TECRL: variants seen among roughly 807,000 people sequenced by gnomAD.
TECRL encodes trans-2,3-enoyl-CoA reductase-like.
Under a neutral mutation model 52.8 loss-of-function variants are expected in TECRL, and 63 were observed. The ratio of observed to expected loss-of-function variants is 1.19; its 90% confidence interval spans 0.97 to 1.47. TECRL has a LOEUF of 1.47. TECRL is among the 40% of genes most tolerant of loss of function. The probability of loss-of-function intolerance (pLI) is 0.00; values close to 1 mark genes in which losing one functional copy is unlikely to be tolerated. For missense variants in TECRL, 482 were observed against 429.6 expected, an observed-to-expected ratio of 1.12 and a Z score of -1.08; for synonymous variants, 164 against 141.9, an observed-to-expected ratio of 1.16 and a Z score of -1.10.
intron 2 of TECRL, among the ~76,000 whole-genome samples, chr4:64,364,421 G>A (rs796582619): frequency 3.2e-4 from 49 of 151,906 alleles, no homozygotes; most frequent in African/African-American, 1.1e-3. Flanking sequence ...CAGCTGAACC[G>A]AATGAAATTG....
intron 2 of TECRL, among the ~76,000 whole-genome samples, chr4:64,364,860 A>ATT (rs35653881): frequency 2.3e-4 from 33 of 142,564 alleles, no homozygotes; most frequent in East Asian, 8.6e-4. Flanking sequence ...TACTAAAACT[A>ATT]TTTTTTTTTC....
Position 64,409,384 on chromosome 4 carries a change from A to G in TECRL, c.-33T>C, listed in dbSNP as rs143229946. ...ACTAAGAGGAGGGTCTGTCATGTCA[A>G]AAGTAGAAAATTGCAAGTGTGTTCC... On this transcript the variant is annotated 5_prime_UTR_variant, in exon 1 of 12. Coordinates refer to ENST00000381210, the MANE Select transcript of TECRL (RefSeq NM_001010874.5). 16 of 1,600,064 alleles carry G rather than the reference A, an allele frequency of 1.0e-5. No homozygotes were observed. The East Asian group carries it at 3.4e-4, about 34-fold the overall frequency.
intron 4 of TECRL, among the ~76,000 whole-genome samples, chr4:64,315,757 A>T (rs1040097137): frequency 6.6e-6 from 1 of 152,138 alleles, no homozygotes; most frequent in Non-Finnish European, 1.5e-5. Flanking sequence ...ATTCATATGC[A>T]TATATGTGTG....
At chr4:64,367,332 C>T (rs911459080) in intron 2 of TECRL, among the ~76,000 whole-genome samples, 1 of 152,040 alleles carries the variant, frequency 6.6e-6, no homozygotes, top group African/African-American at 2.4e-5. Flanking sequence ...CCAACCCCAA[C>T]AACAAGCAAT....
chr4:64,279,994 A>C lies in TECRL; in HGVS notation c.*78T>G, dbSNP rs2109920091. On this transcript the variant is annotated 3_prime_UTR_variant, in exon 12 of 12. Transcript: ENST00000381210. ...GTTGCTCATGAATTGTTGGAGTATA[A>C]TAGTTAACTATCCTTAACTAAGTCT... 6.7e-7 allele frequency: 1 copy of C among 1,486,654 alleles called. No individual in the cohort carries two copies. The allele number at this position is 1,486,654 out of a possible 1,614,324, so 92.1% of individuals were successfully genotyped here.
chr4:64,382,965 G>T (rs1473421548), intron 1 of TECRL, among the ~76,000 whole-genome samples: 4 of 151,992 alleles, frequency 2.6e-5, no homozygotes, highest in Non-Finnish European at 5.9e-5. Flanking sequence ...TTTCTTGTAG[G>T]ATCAGTCTTG....
In TECRL at chr4:64,354,242, A is replaced by C. The variant is rs528622560; in HGVS notation, c.286+20930T>G. Among the ~76,000 whole-genome samples, 18 of 152,314 alleles carry C rather than the reference A, an allele frequency of 1.2e-4. No homozygotes were observed. The South Asian group carries it at 3.5e-3, about 30-fold the overall frequency. On this transcript the variant is annotated intron_variant, in intron 2 of 11. Transcript: ENST00000381210. ...GATAAAAGAACAATTTGAAAGGTAG[A>C]ATTTGAAGTTGTAGAAAAAACAAGA...
At chr4:64,349,126 A>T (rs1432763776) in intron 2 of TECRL, among the ~76,000 whole-genome samples, 2 of 119,374 alleles carry the variant, frequency 1.7e-5, no homozygotes, top group Non-Finnish European at 3.4e-5. Flanking sequence ...AAAATAATTT[A>T]TAAAAAACGT....
rs116315070 is a variant in TECRL, at chr4:64,327,522, C to T, written c.331+990G>A. On this transcript the variant is annotated intron_variant, in intron 3 of 11. Coordinates refer to ENST00000381210, the MANE Select transcript of TECRL (RefSeq NM_001010874.5). ...TGACATGTGCTAGGCCCTATGAAGG[C>T]AAAAGTAGATGAGACAATAATTTGT... Among the ~76,000 whole-genome samples, 962 of 152,066 alleles carry T rather than the reference C, an allele frequency of 6.3e-3. 7 individuals are homozygous for T. Among genetic ancestry groups the T allele is most frequent in the African/African-American group, 0.022 (911 of 41,512 alleles).
intron 1 of TECRL, among the ~76,000 whole-genome samples, chr4:64,388,173 T>C (rs748058817): frequency 1.3e-5 from 2 of 151,522 alleles, no homozygotes; most frequent in Non-Finnish European, 3.0e-5. Flanking sequence ...AGGTCTGATA[T>C]TTATTTTGAG....
intron 4 of TECRL, among the ~76,000 whole-genome samples, chr4:64,318,312 A>G (rs1717653881): frequency 6.6e-6 from 1 of 152,122 alleles, no homozygotes. Flanking sequence ...TAAATGAAAG[A>G]TAAGGTTGAG....
At chr4:64,331,195 T>G (rs529579550) in intron 2 of TECRL, among the ~76,000 whole-genome samples, 1 of 152,252 alleles carries the variant, frequency 6.6e-6, no homozygotes, top group Admixed American at 6.5e-5. Flanking sequence ...TATGTCAATC[T>G]CTGCCTGTTC....
At chr4:64,347,792 T>C (rs1178184461) in intron 2 of TECRL, among the ~76,000 whole-genome samples, 2 of 152,126 alleles carry the variant, frequency 1.3e-5, no homozygotes, top group African/African-American at 4.8e-5. Context: ...GGGATTATAA[T>C]TGAGATGAGG....
At chr4:64,360,470 G>T (rs936557804) in intron 2 of TECRL, among the ~76,000 whole-genome samples, 1 of 152,168 alleles carries the variant, frequency 6.6e-6, no homozygotes, top group African/African-American at 2.4e-5. Context: ...GAGAACATCT[G>T]TTAGCATAAA....
chr4:64,361,601 G>A (rs965969713), intron 2 of TECRL, among the ~76,000 whole-genome samples: 2 of 152,082 alleles, frequency 1.3e-5, no homozygotes, highest in African/African-American at 4.8e-5. Context: ...GGAGTGCTGA[G>A]CTAAACCTAC....
chr4:64,305,082 T>G (rs1724250191), intron 7 of TECRL, 84 bp downstream of exon 7: 1 of 944,978 alleles, frequency 1.1e-6, no homozygotes, highest in Non-Finnish European at 1.6e-6. Flanking sequence ...CATTTTTTAC[T>G]TATTCCTTTA....
At chr4:64,393,158 T>G (rs193045826) in intron 1 of TECRL, among the ~76,000 whole-genome samples, 8 of 152,104 alleles carry the variant, frequency 5.3e-5, no homozygotes, top group African/African-American at 1.4e-4. Context: ...GTGATATAAT[T>G]GATAGTAAAC....
chr4:64,404,751 G>A (rs1724595711), intron 1 of TECRL, among the ~76,000 whole-genome samples: 1 of 152,004 alleles, frequency 6.6e-6, no homozygotes, highest in Non-Finnish European at 1.5e-5. Flanking sequence ...TTGAGCAGTA[G>A]GTAAAAGGGT....
At chr4:64,284,481 GA>G (rs11356977) in intron 9 of TECRL, among the ~76,000 whole-genome samples, 102,519 of 151,804 alleles carry the variant, frequency 0.68, 35,838 homozygotes, top group Non-Finnish European at 0.77. Context: ...GTAGTGAAAG[GA>G]ACACCATCAT....
Sources: gnomAD v4.1 joint callset for allele counts (sites outside exome capture counted in the v4.1 genomes callset) on GRCh38, gnomAD v4.1.1 for gene constraint, MANE v1.5 for transcripts, NCBI Gene and HGNC (gene_info 2026-07-23, HGNC 2026-07-21) for gene names.